Variants in CHD1L observed in about 807,000 individuals in gnomAD.
CHD1L encodes chromodomain helicase DNA binding protein 1 like.
A neutral mutation model predicts 115.9 loss-of-function variants in CHD1L; 118 were observed. That is an observed-to-expected ratio of 1.02 (90% CI 0.88 to 1.19). The LOEUF (loss-of-function observed/expected upper bound fraction) is 1.19. Ranked by LOEUF, CHD1L falls within the 50% of genes most tolerant of loss-of-function variation. The probability of loss-of-function intolerance (pLI) is 0.00; values close to 1 mark genes in which losing one functional copy is unlikely to be tolerated. For missense variants in CHD1L, 1,179 were observed against 1,065.3 expected (o/e 1.11, Z -1.49); for synonymous variants, 411 against 387.1 (o/e 1.06, Z -0.72).
chr1:147,203,603 G>A, the CHD1L span: 10 of 1,144,784 alleles, frequency 8.7e-6, no homozygotes, highest in Middle Eastern at 4.3e-4. Context: ...AGCTTCAAAC[G>A]CCTCAGCAAA....
At chr1:147,202,997 T>A in the CHD1L span, among the ~76,000 whole-genome samples, 47 of 152,162 alleles carry the variant, frequency 3.1e-4, no homozygotes, top group African/African-American at 1.0e-3. Context: ...TCCCACACCA[T>A]TTTCAAAATG....
At chr1:147,276,651 G>A (rs1678588592) in intron 14 of CHD1L, among the ~76,000 whole-genome samples, 1 of 152,186 alleles carries the variant, frequency 6.6e-6, no homozygotes, top group Admixed American at 6.5e-5. Flanking sequence ...TTCATACTCA[G>A]AAGAGGGCGA....
chr1:147,212,474 G>A, the CHD1L span: 1 of 1,613,732 alleles, frequency 6.2e-7, no homozygotes, highest in South Asian at 1.1e-5. Context: ...TCTTTCCAGT[G>A]AATCCCTCTG....
chr1:147,196,351 CG>C, the CHD1L span, among the ~76,000 whole-genome samples: 10 of 151,992 alleles, frequency 6.6e-5, no homozygotes, highest in Admixed American at 5.2e-4. Flanking sequence ...TAGGTCTCTT[CG>C]GATACTCAAA....
chr1:147,249,780 A>G (rs1474213279), intron 1 of CHD1L, among the ~76,000 whole-genome samples: 3 of 152,134 alleles, frequency 2.0e-5, no homozygotes, highest in Non-Finnish European at 2.9e-5. Flanking sequence ...GTTTTCAGCT[A>G]TTATTTATTT....
At chr1:147,218,690 G>A in the CHD1L span, among the ~76,000 whole-genome samples, 33 of 152,020 alleles carry the variant, frequency 2.2e-4, no homozygotes, top group African/African-American at 6.0e-4. Flanking sequence ...AATCTAGCCC[G>A]GTTTATCTTT....
At chr1:147,233,068 G>A in the CHD1L span, among the ~76,000 whole-genome samples, 1,473 of 150,872 alleles carry the variant, frequency 9.8e-3, 21 homozygotes, top group African/African-American at 0.034. Context: ...GTCTCTGCCC[G>A]GCCGCCCATC....
intron 12 of CHD1L, among the ~76,000 whole-genome samples, chr1:147,275,112 T>G (rs1308345074): frequency 6.6e-6 from 1 of 152,190 alleles, no homozygotes; most frequent in Non-Finnish European, 1.5e-5. Context: ...CACTTGCCCC[T>G]GCTCCGCTCA....
intron 19 of CHD1L, among the ~76,000 whole-genome samples, chr1:147,288,739 G>T (rs1684369905): frequency 6.6e-6 from 1 of 152,138 alleles, no homozygotes; most frequent in Non-Finnish European, 1.5e-5. Context: ...AAGAACTCGG[G>T]TTTGGTGCTG....
chr1:147,255,015 TGATTAA>T (rs1553939047), intron 3 of CHD1L, 39 bp downstream of exon 3: 1 of 1,429,486 alleles, frequency 7.0e-7, no homozygotes, highest in Non-Finnish European at 9.5e-7. Flanking sequence ...TTGTTTATCT[TGATTAA>T]GATTTTTTTT....
rs1676017169 is a variant in CHD1L, at chr1:147,271,052, A to G, written c.1159+47A>G. 1.1e-5 allele frequency: 16 copies of G among 1,445,286 alleles called. No homozygotes were observed. In the East Asian group the frequency reaches 3.6e-4, roughly 33 times the overall value. 89.5% of individuals were successfully genotyped at this position (1,445,286 alleles called of 1,614,324 possible). A position where few individuals can be genotyped will look rare whatever the true frequency, so the allele number is the denominator to read the frequency against. On this transcript the variant is annotated intron_variant, in intron 11 of 22. Coordinates refer to ENST00000369258, the MANE Select transcript of CHD1L (RefSeq NM_004284.6). ...ATTACCTAAGGCTCTGTTAGACTTA[A>G]CAGTCCAGATAGGTCCATGAAGAAT...
chr1:147,285,724 G>T (rs1272563468), intron 17 of CHD1L, among the ~76,000 whole-genome samples: 5 of 152,120 alleles, frequency 3.3e-5, no homozygotes, highest in African/African-American at 4.8e-5. Context: ...TTTGAGATGG[G>T]TTCTTGCTCT....
the CHD1L span, among the ~76,000 whole-genome samples, chr1:147,220,916 T>C: frequency 7.7e-6 from 1 of 129,770 alleles, no homozygotes; most frequent in Non-Finnish European, 1.6e-5. Context: ...TTCTTACTTA[T>C]AATAACATAA....
chr1:147,285,724 G>A (rs1272563468), intron 17 of CHD1L, among the ~76,000 whole-genome samples: 1 of 152,120 alleles, frequency 6.6e-6, no homozygotes, highest in Admixed American at 6.5e-5. Context: ...TTTGAGATGG[G>A]TTCTTGCTCT....
At chr1:147,232,954 C>G in the CHD1L span, among the ~76,000 whole-genome samples, 1 of 152,172 alleles carries the variant, frequency 6.6e-6, no homozygotes, top group African/African-American at 2.4e-5. Flanking sequence ...CTCTGCCTGG[C>G]CACCCATCGT....
At chr1:147,194,083 A>T in the CHD1L span, among the ~76,000 whole-genome samples, 1 of 152,080 alleles carries the variant, frequency 6.6e-6, no homozygotes, top group Non-Finnish European at 1.5e-5. Flanking sequence ...TGTCTCGTTG[A>T]TCTGTCTAAT....
intron 6 of CHD1L, among the ~76,000 whole-genome samples, chr1:147,261,899 AAG>A (rs1672064201): frequency 1.3e-5 from 2 of 152,108 alleles, no homozygotes; most frequent in Non-Finnish European, 1.5e-5. Flanking sequence ...CAGTTTATAA[AAG>A]TTGGACGCAA....
chr1:147,294,911 G>C (rs1686983503), intron 22 of CHD1L, among the ~76,000 whole-genome samples: 1 of 152,082 alleles, frequency 6.6e-6, no homozygotes, highest in Admixed American at 6.5e-5. Flanking sequence ...ACAAATAAGT[G>C]AACTATTTTA....
At chr1:147,211,312 C>T in the CHD1L span, 1 of 152,210 alleles carries the variant, frequency 6.6e-6, no homozygotes, top group African/African-American at 2.4e-5. Flanking sequence ...TTGCACATTC[C>T]TCTACCATAA....
Sources: gnomAD v4.1 joint callset for allele counts (sites outside exome capture counted in the v4.1 genomes callset) on GRCh38, gnomAD v4.1.1 for gene constraint, MANE v1.5 for transcripts, NCBI Gene and HGNC (gene_info 2026-07-23, HGNC 2026-07-21) for gene names.